The following TTC29 variants were observed in gnomAD, a reference collection of about 807,000 sequenced individuals.
TTC29 encodes tetratricopeptide repeat protein 29.
Under a neutral mutation model 58.1 loss-of-function variants are expected in TTC29, and 49 were observed. That is an observed-to-expected ratio of 0.84 (90% CI 0.67 to 1.07). The LOEUF (loss-of-function observed/expected upper bound fraction) is 1.07. TTC29 is among the 50% of genes least tolerant of loss of function. The pLI is 0.00. For missense variants in TTC29, 582 were observed against 555.6 expected, an observed-to-expected ratio of 1.05 and a Z score of -0.48; for synonymous variants, 209 against 196.8, an observed-to-expected ratio of 1.06 and a Z score of -0.52.
At chr4:146,854,014 G>T (rs1729675920) in intron 8 of TTC29, among the ~76,000 whole-genome samples, 1 of 152,072 alleles carries the variant, frequency 6.6e-6, no homozygotes, top group Non-Finnish European at 1.5e-5. Context: ...GGAACTGGTG[G>T]ATAAATGCAC....
At chr4:146,751,791 A>G (rs1746018940) in intron 11 of TTC29, among the ~76,000 whole-genome samples, 2 of 152,182 alleles carry the variant, frequency 1.3e-5, no homozygotes, top group Non-Finnish European at 2.9e-5. Context: ...ACCTCCAGGA[A>G]CTAGAAAAAG....
chr4:146,831,905 C>G (rs564781638), intron 9 of TTC29: 5 of 198,400 alleles, frequency 2.5e-5, no homozygotes, highest in Non-Finnish European at 5.4e-5. Context: ...AAATTTTCCC[C>G]TTGAAGTTTT....
chr4:146,820,114 C>T lies in TTC29; in HGVS notation c.1101+11G>A, dbSNP rs1016678798. Reference sequence around the variant, plus strand: ...CAAATTTCTCTATAAACAAGAAACACATAGACTCACTTTTTCATTGTAGAT... The same window carrying T: ...CAAATTTCTCTATAAACAAGAAACATATAGACTCACTTTTTCATTGTAGAT... On this transcript the variant is annotated intron_variant, in intron 10 of 12. Transcript: ENST00000325106. 4.3e-6 allele frequency: 7 copies of T among 1,611,916 alleles called. No homozygotes were observed. In the South Asian group the frequency reaches 5.5e-5, roughly 13 times the overall value.
At chr4:146,853,287 T>C (rs546558354) in intron 8 of TTC29, among the ~76,000 whole-genome samples, 1 of 152,230 alleles carries the variant, frequency 6.6e-6, no homozygotes, top group African/African-American at 2.4e-5. Flanking sequence ...CAAAAACAGT[T>C]TGGTAGTTCT....
intron 4 of TTC29, among the ~76,000 whole-genome samples, chr4:146,935,261 T>C (rs1389094798): frequency 6.6e-6 from 1 of 152,054 alleles, no homozygotes; most frequent in Admixed American, 6.6e-5. Context: ...TATTTTGGGG[T>C]ACATGATGAG....
chr4:146,863,428 A>G (rs1226965903), intron 8 of TTC29, among the ~76,000 whole-genome samples: 1 of 152,170 alleles, frequency 6.6e-6, no homozygotes, highest in African/African-American at 2.4e-5. Flanking sequence ...TCCACTCCAC[A>G]GCTTCAATTT....
At chr4:146,787,056 T>G (rs1402574236) in intron 11 of TTC29, among the ~76,000 whole-genome samples, 12 of 152,092 alleles carry the variant, frequency 7.9e-5, no homozygotes, top group Non-Finnish European at 1.3e-4. Flanking sequence ...GGGAGTAAAT[T>G]TAAAGTCACA....
At chr4:146,744,801 G>T (rs750783852) in intron 11 of TTC29, among the ~76,000 whole-genome samples, 1 of 152,116 alleles carries the variant, frequency 6.6e-6, no homozygotes, top group Non-Finnish European at 1.5e-5. Context: ...CTAGGCCCTA[G>T]AAATGTCTGG....
intron 11 of TTC29, among the ~76,000 whole-genome samples, chr4:146,751,442 G>T (rs1745982670): frequency 6.6e-6 from 1 of 152,090 alleles, no homozygotes. Context: ...CGTTCTTCAG[G>T]ACAGACCATA....
rs140369505 is a variant in TTC29, at chr4:146,812,769, A to G, written c.1101+7356T>C. On this transcript the variant is annotated intron_variant, in intron 10 of 12. Transcript: ENST00000325106. ...TTTGTATACGTACCATTTTAGAATG[A>G]GATTTTGCTAATGTATATTGTACTT... 39 of 152,348 alleles carry G rather than the reference A, an allele frequency of 2.6e-4. No homozygotes were observed. The East Asian group carries it at 7.5e-3, about 29-fold the overall frequency. The allele number at this position is 152,348 out of a possible 1,614,324, so 9.4% of individuals were successfully genotyped here. A position where few individuals can be genotyped will look rare whatever the true frequency, so the allele number is the denominator to read the frequency against.
chr4:146,803,357 A>C, intron 11 of TTC29, 100 bp downstream of exon 11: 1 of 881,164 alleles, frequency 1.1e-6, no homozygotes, highest in East Asian at 2.7e-5. Flanking sequence ...TTACCAATCA[A>C]ATTAAAATCA....
chr4:146,864,705 A>G (rs1203152007), intron 8 of TTC29, among the ~76,000 whole-genome samples: 1 of 152,056 alleles, frequency 6.6e-6, no homozygotes, highest in African/African-American at 2.4e-5. Flanking sequence ...TTGTGACTGT[A>G]TCACTGCACT....
chr4:146,800,729 A>G (rs2150115073), intron 11 of TTC29, among the ~76,000 whole-genome samples: 1 of 152,324 alleles, frequency 6.6e-6, no homozygotes, highest in Non-Finnish European at 1.5e-5. Flanking sequence ...CTCATTTTGA[A>G]TTCTATTTGA....
rs145368903 is a variant in TTC29, at chr4:146,892,918, C to T, written c.586+10626G>A. Reference sequence around the variant, plus strand: ...GACAGACAGCCAAATCATGAGTGAACTCCCATTCACAATTGCTTCAAAGAG... The same window carrying T: ...GACAGACAGCCAAATCATGAGTGAATTCCCATTCACAATTGCTTCAAAGAG... On this transcript the variant is annotated intron_variant, in intron 6 of 12. Transcript: ENST00000325106. Among the ~76,000 whole-genome samples, 1,010 of 152,274 alleles carry T rather than the reference C, an allele frequency of 6.6e-3. 8 individuals carry two copies. Among genetic ancestry groups the T allele is most frequent in the African/African-American group, 0.023 (962 of 41,544 alleles).
In TTC29 at chr4:146,903,472, C is replaced by G; in HGVS notation, c.586+72G>C. 10 of 1,343,340 alleles carry G rather than the reference C, an allele frequency of 7.4e-6. No individual in the cohort carries two copies. The South Asian group carries it at 1.6e-4, about 21-fold the overall frequency. The allele number at this position is 1,343,340 out of a possible 1,614,324, so 83.2% of individuals were successfully genotyped here. ...CTCAGGTCTTTTTTCTCGACCACCACGTGTTTTTCCATTGTGTGATCTCAG... is the reference window on the plus strand; with the variant it reads ...CTCAGGTCTTTTTTCTCGACCACCAGGTGTTTTTCCATTGTGTGATCTCAG... On this transcript the variant is annotated intron_variant, in intron 6 of 12. Coordinates refer to ENST00000325106, the MANE Select transcript of TTC29 (RefSeq NM_031956.4).
intron 4 of TTC29, among the ~76,000 whole-genome samples, chr4:146,918,946 C>T (rs1404932199): frequency 6.6e-6 from 1 of 151,000 alleles, no homozygotes; most frequent in Non-Finnish European, 1.5e-5. Flanking sequence ...GTTGATCTCA[C>T]AAAAAGTAAC....
At chr4:146,709,145 T>C (rs184193433) in intron 11 of TTC29, among the ~76,000 whole-genome samples, 240 of 152,292 alleles carry the variant, frequency 1.6e-3, no homozygotes, top group African/African-American at 5.4e-3. Flanking sequence ...AGGTAGAAGA[T>C]TATTCCACCT....
intron 10 of TTC29, among the ~76,000 whole-genome samples, chr4:146,809,445 C>T (rs570131949): frequency 1.3e-5 from 2 of 149,886 alleles, no homozygotes; most frequent in African/African-American, 2.4e-5. Flanking sequence ...TCAGAGTGAA[C>T]AGACAACCTA....
intron 4 of TTC29, among the ~76,000 whole-genome samples, chr4:146,934,980 G>A (rs1735664962): frequency 6.6e-6 from 1 of 151,980 alleles, no homozygotes; most frequent in African/African-American, 2.4e-5. Context: ...TGCTGTCTTG[G>A]GTAGATCAAA....
Sources: gnomAD v4.1 joint callset for allele counts (sites outside exome capture counted in the v4.1 genomes callset) on GRCh38, gnomAD v4.1.1 for gene constraint, MANE v1.5 for transcripts, NCBI Gene and HGNC (gene_info 2026-07-23, HGNC 2026-07-21) for gene names.